DPYSL3: variants seen among roughly 807,000 people sequenced by gnomAD.
DPYSL3 encodes dihydropyrimidinase like 3.
A neutral mutation model predicts 66.1 loss-of-function variants in DPYSL3; 16 were observed. The ratio of observed to expected loss-of-function variants is 0.24; its 90% CI spans 0.16 to 0.37. The LOEUF is 0.37. DPYSL3 is among the 10% of genes least tolerant of loss of function. The pLI, the probability that DPYSL3 is intolerant of heterozygous loss-of-function variation, is 1.00. For synonymous variants in DPYSL3, 338 were observed against 345.1 expected (o/e 0.98, Z 0.23); for missense variants, 738 against 916.2 (o/e 0.81, Z 2.51).
intron 1 of DPYSL3, among the ~76,000 whole-genome samples, chr5:147,479,501 C>A (rs1395281444): frequency 2.6e-5 from 4 of 152,108 alleles, no homozygotes; most frequent in Non-Finnish European, 4.4e-5. Context: ...AGGTGAAACA[C>A]AATGGGGGTT....
In DPYSL3 at chr5:147,397,803, C is replaced by A. The variant is rs2304044; in HGVS notation, c.1666G>T (p.Ala556Ser). 1.1e-4 allele frequency: 180 copies of A among 1,613,786 alleles called. No homozygotes were observed. In the East Asian group the frequency reaches 3.2e-3, roughly 29 times the overall value. Residue 556 changes from alanine to serine, a missense_variant, in exon 12 of 14, where the codon GCT becomes TCT. Physicochemically the swap from Ala to Ser is moderately conservative, Grantham distance 99. Transcript: ENST00000343218. The part of the protein sequence containing the change: ...NIFEGMELRG[A>S]PLVVICQGKI... ...CCCTGGCAGATGACAACCAGAGGAG[C>A]CCCGCGCAGCTCCATCCCTTCAAAG...
At chr5:147,432,260 GT>G (rs1752329091) in intron 1 of DPYSL3, among the ~76,000 whole-genome samples, 1 of 152,136 alleles carries the variant, frequency 6.6e-6, no homozygotes, top group Non-Finnish European at 1.5e-5. Flanking sequence ...ATTATCTTTG[GT>G]TTAGCCCTAG....
At chr5:147,503,234 A>G (rs1753640528) in intron 1 of DPYSL3, among the ~76,000 whole-genome samples, 1 of 152,230 alleles carries the variant, frequency 6.6e-6, no homozygotes, top group Non-Finnish European at 1.5e-5. Flanking sequence ...AAAGGAAAAC[A>G]ACCATAATTT....
At chr5:147,503,872 A>T (rs184901342) in intron 1 of DPYSL3, among the ~76,000 whole-genome samples, 2 of 152,286 alleles carry the variant, frequency 1.3e-5, no homozygotes, top group Admixed American at 1.3e-4. Flanking sequence ...GACTGCTAAT[A>T]CTTTATCCAC....
chr5:147,415,729 T>A lies in DPYSL3; in HGVS notation c.800A>T (p.Gln267Leu). 1.9e-6 allele frequency: 3 copies of A among 1,614,080 alleles called. No individual in the cohort carries two copies. The highest frequency in any genetic ancestry group is 2.2e-5 in the South Asian group (2 of 91,078). ...HWNDSVKQEV[Q>L]NLIKDKGVNS... ...CTCACCTTTGTCCTTGATGAGGTTC[T>A]GCACTTCCTGCTTGACGCTGTCATT... Residue 267 changes from glutamine to leucine, a missense_variant, in exon 4 of 14, where the codon CAG becomes CTG. Gln to Leu is a moderately radical substitution (Grantham distance 113, BLOSUM62 -2). Transcript: ENST00000343218.
intron 1 of DPYSL3, among the ~76,000 whole-genome samples, chr5:147,474,767 T>A (rs192973028): frequency 5.9e-5 from 9 of 152,218 alleles, no homozygotes; most frequent in East Asian, 5.8e-4. Context: ...TAGCCTTTTT[T>A]AAAACACTTT....
intron 1 of DPYSL3, among the ~76,000 whole-genome samples, chr5:147,480,273 T>A (rs1753216100): frequency 6.6e-6 from 1 of 152,150 alleles, no homozygotes; most frequent in South Asian, 2.1e-4. Context: ...CACACCCTCT[T>A]AGGAGCAGTC....
At chr5:147,476,965 G>A (rs974449391) in intron 1 of DPYSL3, among the ~76,000 whole-genome samples, 1 of 152,094 alleles carries the variant, frequency 6.6e-6, no homozygotes, top group Non-Finnish European at 1.5e-5. Context: ...CAACTCACAT[G>A]AGTTCACAAT....
chr5:147,397,881 G>A (rs934578339), intron 11 of DPYSL3, 36 bp from the exon 12 acceptor site: 2 of 1,198,772 alleles, frequency 1.7e-6, no homozygotes, highest in Non-Finnish European at 2.2e-6. Context: ...CCACAGTAAG[G>A]GTAGAGAAAG....
At chr5:147,422,129 C>A (rs1752093467) in intron 2 of DPYSL3, among the ~76,000 whole-genome samples, 1 of 152,036 alleles carries the variant, frequency 6.6e-6, no homozygotes, top group Admixed American at 6.6e-5. Flanking sequence ...CCAGAATCTA[C>A]AAGGAACTTA....
intron 8 of DPYSL3, among the ~76,000 whole-genome samples, chr5:147,402,221 T>C (rs1270571449): frequency 1.3e-5 from 2 of 152,208 alleles, no homozygotes; most frequent in Non-Finnish European, 2.9e-5. Flanking sequence ...CTTCCCACAG[T>C]AGGGGCCCAA....
intron 1 of DPYSL3, among the ~76,000 whole-genome samples, chr5:147,488,845 T>C (rs993452031): frequency 2.0e-5 from 3 of 151,878 alleles, no homozygotes; most frequent in African/African-American, 7.3e-5. Flanking sequence ...CAAAACCCTG[T>C]CTCTACTAAA....
At chr5:147,432,697 C>T (rs1259087158) in intron 1 of DPYSL3, among the ~76,000 whole-genome samples, 1 of 152,200 alleles carries the variant, frequency 6.6e-6, no homozygotes, top group African/African-American at 2.4e-5. Context: ...TAGCTCAAAC[C>T]TCAGTCATTT....
In DPYSL3 at chr5:147,457,025, CTCATTCAT is replaced by C. The variant is rs35707944; in HGVS notation, c.382-32070_382-32063del. 4.6e-3 allele frequency among the ~76,000 whole-genome samples: 692 copies of C among 152,022 alleles called. 8 individuals are homozygous for C. The highest frequency in any genetic ancestry group is 0.015 in the African/African-American group (618 of 41,380). On this transcript the variant is annotated intron_variant, in intron 1 of 13. Coordinates refer to ENST00000343218, the MANE Select transcript of DPYSL3 (RefSeq NM_001197294.2). ...AACTGGGTTCTCTTCCTCACCATCACTCATTCATTCATTCATTCATTCATTCATTCTCA... is the reference window on the plus strand; with the variant it reads ...AACTGGGTTCTCTTCCTCACCATCACTCATTCATTCATTCATTCATTCTCA...
intron 1 of DPYSL3, among the ~76,000 whole-genome samples, chr5:147,481,768 T>C (rs750146230): frequency 1.3e-5 from 2 of 152,208 alleles, no homozygotes; most frequent in South Asian, 4.1e-4. Flanking sequence ...TCTACCATAG[T>C]ATGACATGGC....
chr5:147,485,896 T>G (rs1045799878), intron 1 of DPYSL3, among the ~76,000 whole-genome samples: 20 of 152,218 alleles, frequency 1.3e-4, no homozygotes, highest in African/African-American at 4.8e-4. Context: ...TGTAAAGTGC[T>G]TTAAAAAGTG....
intron 1 of DPYSL3, among the ~76,000 whole-genome samples, chr5:147,430,765 C>CA (rs1440124108): frequency 5.3e-5 from 8 of 152,048 alleles, no homozygotes; most frequent in Non-Finnish European, 1.5e-5. Flanking sequence ...CATAAATTAC[C>CA]ACCTTTGTCT....
At chr5:147,405,492 T>A in intron 8 of DPYSL3, 118 bp downstream of exon 8, 6 of 1,383,664 alleles carry the variant, frequency 4.3e-6, no homozygotes, top group Non-Finnish European at 5.7e-6. Context: ...GAGAGCGGCT[T>A]CCTAGGGAGC....
intron 1 of DPYSL3, among the ~76,000 whole-genome samples, chr5:147,438,195 C>T (rs751406257): frequency 2.6e-5 from 4 of 152,096 alleles, no homozygotes; most frequent in Admixed American, 2.6e-4. Flanking sequence ...CCTATACACC[C>T]GCAACTCTGC....
Sources: allele counts gnomAD v4.1 joint callset (sites outside exome capture counted in the v4.1 genomes callset), GRCh38; gene constraint gnomAD v4.1.1; transcripts MANE v1.5; gene names NCBI Gene and HGNC (gene_info 2026-07-23, HGNC 2026-07-21).